Variants in NHSL2 observed in about 807,000 individuals in gnomAD.
The protein encoded by NHSL2 is NHS like 2, also known as NHS-like protein 2.
NHSL2 carries 27 observed loss-of-function variants against 53.4 expected under a neutral mutation model. The observed-to-expected ratio is 0.51, with a 90% CI of 0.37 to 0.70. The LOEUF is 0.70. NHSL2 is among the 30% of genes least tolerant of loss of function. The probability of loss-of-function intolerance (pLI) is 0.00; values close to 1 mark genes in which losing one functional copy is unlikely to be tolerated. For missense variants in NHSL2, 892 were observed against 980.1 expected (o/e 0.91, Z 1.20); for synonymous variants, 408 against 404.1 (o/e 1.01, Z -0.12).
Position 72,076,844 on chromosome X carries a change from C to T in NHSL2, c.281-55235C>T, listed in dbSNP as rs775532245. On this transcript the variant is annotated intron_variant, in intron 1 of 7. Transcript: ENST00000633930. ...TCTCTCAATAGCAGATTTTCTATTTCAAAAGTCAGTTTCCTGTCAAAATCT... is the reference window on the plus strand; with the variant it reads ...TCTCTCAATAGCAGATTTTCTATTTTAAAAGTCAGTTTCCTGTCAAAATCT... Among the ~76,000 whole-genome samples, 5 of 111,772 alleles carry T rather than the reference C, an allele frequency of 4.5e-5. No homozygotes were observed. The South Asian group carries it at 1.9e-3, about 42-fold the overall frequency.
At chrX:71,970,396 T>C (rs2041920030) in intron 1 of NHSL2, among the ~76,000 whole-genome samples, 1 of 111,751 alleles carries the variant, frequency 8.9e-6, no homozygotes, top group African/African-American at 3.2e-5. Flanking sequence ...AATTATTAAT[T>C]CAGTCTCTTT....
chrX:72,125,912 T>C (rs918299352), intron 1 of NHSL2, among the ~76,000 whole-genome samples: 1 of 112,362 alleles, frequency 8.9e-6, no homozygotes, highest in African/African-American at 3.2e-5. Context: ...TCCAGGCAGG[T>C]TGAGACTTCA....
At chrX:72,009,489 A>G (rs2042107373) in intron 1 of NHSL2, among the ~76,000 whole-genome samples, 1 of 112,335 alleles carries the variant, frequency 8.9e-6, no homozygotes, top group Non-Finnish European at 1.9e-5. Context: ...AATGTCCAGA[A>G]CAACTGGATA....
chrX:71,913,824 G>A (rs983874290), intron 1 of NHSL2, among the ~76,000 whole-genome samples: 2 of 6,297 alleles, frequency 3.2e-4, no homozygotes, highest in Non-Finnish European at 0.036. Flanking sequence ...GCCCTGAGAA[G>A]CAGCAGGGGA....
intron 5 of NHSL2, among the ~76,000 whole-genome samples, chrX:72,138,163 G>A (rs184716191): frequency 7.2e-5 from 8 of 111,649 alleles, no homozygotes; most frequent in Non-Finnish European, 1.3e-4. Context: ...AAAATGCAAG[G>A]TAATCCCACG....
At chrX:71,984,231 C>G (rs746938998) in intron 1 of NHSL2, among the ~76,000 whole-genome samples, 1 of 111,467 alleles carries the variant, frequency 9.0e-6, no homozygotes, top group South Asian at 3.8e-4. Flanking sequence ...ATGTCATGGG[C>G]CATTCACAAT....
chrX:72,114,583 G>A (rs1465680124), intron 1 of NHSL2, among the ~76,000 whole-genome samples: 1 of 112,009 alleles, frequency 8.9e-6, no homozygotes, highest in Admixed American at 9.5e-5. Flanking sequence ...CTGCAACAAA[G>A]GTCACAGTCA....
At chrX:72,025,417 A>T (rs1433986220) in intron 1 of NHSL2, among the ~76,000 whole-genome samples, 1 of 110,643 alleles carries the variant, frequency 9.0e-6, no homozygotes, top group Non-Finnish European at 1.9e-5. Flanking sequence ...TCACCTATGC[A>T]CTCTCACCTC....
At chrX:72,004,515 AG>A (rs2042085115) in intron 1 of NHSL2, among the ~76,000 whole-genome samples, 1 of 111,333 alleles carries the variant, frequency 9.0e-6, no homozygotes, top group Admixed American at 9.4e-5. Context: ...AGGAGTGGGG[AG>A]GGGAGTAAGG....
chrX:71,939,811 A>G (rs762120811), intron 1 of NHSL2, among the ~76,000 whole-genome samples: 136 of 112,158 alleles, frequency 1.2e-3, no homozygotes, highest in Non-Finnish European at 2.4e-3. Context: ...TGTTCGATAA[A>G]TGTTAGCTAT....
At chrX:72,129,213 C>G (rs2042257884) in intron 1 of NHSL2, 1 of 113,632 alleles carries the variant, frequency 8.8e-6, no homozygotes, top group South Asian at 3.5e-4. Flanking sequence ...TGACATGTGG[C>G]TTTGCACACT....
chrX:72,134,173 C>A lies in NHSL2; in HGVS notation c.519C>A (p.Pro173=). The A allele has an allele frequency of 2.6e-6, 3 of 1,167,706 alleles. No individual in the cohort carries two copies. The highest frequency in any genetic ancestry group is 2.3e-6 in the Non-Finnish European group (2 of 872,431). The change falls in exon 3 of 8, where the codon CCC becomes CCA. Residue 173 remains proline, a synonymous_variant. Coordinates refer to ENST00000633930, the MANE Select transcript of NHSL2 (RefSeq NM_001013627.3). ...CTGATGAGGCCACTAAGCCCACCCC[C>A]AACCCAAGGCCCCAGTCTGCCAGGC... ...RSSDEATKPT[P]NPRPQSARRL...
chrX:71,972,866 T>TTGTGTGTGTGTG lies in NHSL2; in HGVS notation c.280+61523_280+61534dup, dbSNP rs372160139. ...AAATCTCTATTGCCTATCTTTATTG[T>TTGTGTGTGTGTG]TGTGTGTGTGTGTGTGTGTGTGTGT... On this transcript the variant is annotated intron_variant, in intron 1 of 7. Transcript: ENST00000633930. Among the ~76,000 whole-genome samples the TTGTGTGTGTGTG allele has an allele frequency of 7.7e-4, 72 of 93,807 alleles. 1 individual carries two copies. The highest frequency in any genetic ancestry group is 3.4e-3 in the South Asian group (6 of 1,760). 81.5% of individuals were successfully genotyped at this position (93,807 alleles called of 115,157 possible). A position where few individuals can be genotyped will look rare whatever the true frequency, so the allele number is the denominator to read the frequency against.
At chrX:71,931,819 T>G (rs1310365647) in intron 1 of NHSL2, among the ~76,000 whole-genome samples, 3 of 112,984 alleles carry the variant, frequency 2.7e-5, no homozygotes, top group African/African-American at 9.6e-5. Context: ...AATTGGGACG[T>G]GTTAGTCCTC....
At chrX:72,012,700 G>T (rs1207962122) in intron 1 of NHSL2, among the ~76,000 whole-genome samples, 1 of 112,672 alleles carries the variant, frequency 8.9e-6, no homozygotes, top group Non-Finnish European at 1.9e-5. Flanking sequence ...GGACGTAGAC[G>T]TATCTTTTGG....
chrX:72,136,832 G>T (rs1311140541), intron 4 of NHSL2, among the ~76,000 whole-genome samples: 1 of 112,290 alleles, frequency 8.9e-6, no homozygotes, highest in African/African-American at 3.2e-5. Flanking sequence ...TTCAAAAGCT[G>T]CCCAGTTGAG....
intron 1 of NHSL2, among the ~76,000 whole-genome samples, chrX:71,912,665 C>T (rs2041610178): frequency 8.9e-6 from 1 of 111,920 alleles, no homozygotes; most frequent in South Asian, 3.8e-4. Flanking sequence ...AAGGTGGAAG[C>T]CACAGATGAC....
chrX:72,029,314 G>A (rs1451495022), intron 1 of NHSL2, among the ~76,000 whole-genome samples: 1 of 111,440 alleles, frequency 9.0e-6, no homozygotes, highest in Non-Finnish European at 1.9e-5. Flanking sequence ...CAATGGGTGA[G>A]CTTCATGACT....
intron 1 of NHSL2, among the ~76,000 whole-genome samples, chrX:72,103,796 G>A (rs1367054318): frequency 8.9e-6 from 1 of 112,582 alleles, no homozygotes; most frequent in Admixed American, 9.3e-5. Flanking sequence ...CCCATGGGCA[G>A]GCAGTGCTCT....
Sources: gnomAD v4.1 joint callset for allele counts (sites outside exome capture counted in the v4.1 genomes callset) on GRCh38, gnomAD v4.1.1 for gene constraint, MANE v1.5 for transcripts, NCBI Gene and HGNC (gene_info 2026-07-23, HGNC 2026-07-21) for gene names.